The following LEPROTL1 variants were observed in gnomAD, a reference collection of about 807,000 sequenced individuals.
LEPROTL1 encodes the protein leptin receptor overlapping transcript-like 1.
LEPROTL1 carries 6 observed loss-of-function variants against 15.4 expected under a neutral mutation model. That is an observed-to-expected ratio of 0.39 (90% CI 0.21 to 0.77). The LOEUF is 0.77. Ranked by LOEUF, LEPROTL1 falls within the 30% of genes least tolerant of loss-of-function variation. The pLI is 0.41. For synonymous variants in LEPROTL1, 56 were observed against 52.6 expected (o/e 1.06, Z -0.28); for missense variants, 128 against 158.1 (o/e 0.81, Z 1.02).
intron 1 of LEPROTL1, among the ~76,000 whole-genome samples, 178 bp from the exon 2 acceptor site, chr8:30,101,720 G>A: frequency 7.0e-6 from 1 of 142,710 alleles, no homozygotes; most frequent in Non-Finnish European, 1.5e-5. Flanking sequence ...ATTTTGCCTT[G>A]AAGATACCAC....
In LEPROTL1 at chr8:30,105,885, CA is replaced by C; in HGVS notation, c.*26del. 6.7e-7 allele frequency: 1 copy of C among 1,483,546 alleles called. No homozygotes were observed. The highest frequency in any genetic ancestry group is 2.4e-5 in the Admixed American group (1 of 42,432). 91.9% of individuals were successfully genotyped at this position (1,483,546 alleles called of 1,614,324 possible). A position where few individuals can be genotyped will look rare whatever the true frequency, so the allele number is the denominator to read the frequency against. On this transcript the variant is annotated 3_prime_UTR_variant, in exon 4 of 4. Coordinates refer to ENST00000321250, the MANE Select transcript of LEPROTL1 (RefSeq NM_015344.3). ...TGAAAAGAAATTACTGAACTATTGTCAAATGGACTTCCTGTCATTTGTTGGC... is the reference window on the plus strand; with the variant it reads ...TGAAAAGAAATTACTGAACTATTGTCAATGGACTTCCTGTCATTTGTTGGC...
At chr8:30,100,008 C>A (rs1394142166) in intron 1 of LEPROTL1, among the ~76,000 whole-genome samples, 1 of 152,212 alleles carries the variant, frequency 6.6e-6, no homozygotes, top group South Asian at 2.1e-4. Context: ...GTTTTCCTTA[C>A]AGTTTATATT....
chr8:30,099,494 A>T (rs1802426241), intron 1 of LEPROTL1, among the ~76,000 whole-genome samples: 1 of 23,304 alleles, frequency 4.3e-5, no homozygotes, highest in Non-Finnish European at 1.6e-4. Flanking sequence ...CCAGCTACTC[A>T]GAAAGGCTGA....
intron 3 of LEPROTL1, chr8:30,131,977 A>G (rs1363321884): frequency 6.4e-7 from 1 of 1,550,850 alleles, no homozygotes; most frequent in Non-Finnish European, 8.7e-7. Flanking sequence ...CGCCAATAGC[A>G]AAAGCAGAAT....
chr8:30,112,254 G>T (rs1448395926), downstream of LEPROTL1, among the ~76,000 whole-genome samples: 4 of 151,922 alleles, frequency 2.6e-5, no homozygotes, highest in Non-Finnish European at 5.9e-5. Flanking sequence ...TTCTTTCTTT[G>T]AGATGGAGTC....
Position 30,117,763 on chromosome 8 carries a change from A to G in LEPROTL1, c.279+13277A>G, listed in dbSNP as rs537524099. 8.0e-5 allele frequency: 70 copies of G among 875,402 alleles called. 2 individuals carry two copies. The South Asian group carries it at 9.2e-4, about 12-fold the overall frequency. 54.2% of individuals were successfully genotyped at this position (875,402 alleles called of 1,614,324 possible). ...GATGCTCTTGAGAGCATCAGCCAGGACATTCATGCGCACCATTGTGGCGGC... is the reference window on the plus strand; with the variant it reads ...GATGCTCTTGAGAGCATCAGCCAGGGCATTCATGCGCACCATTGTGGCGGC... On this transcript the variant is annotated intron_variant, in intron 3 of 4. Transcript: ENST00000442880.
At chr8:30,132,294 G>A in intron 3 of LEPROTL1, 1 of 1,551,780 alleles carries the variant, frequency 6.4e-7, no homozygotes, top group Non-Finnish European at 8.7e-7. Context: ...TGCTGTGCTG[G>A]AATACAAGCC....
chr8:30,117,344 G>A (rs2117507565), intron 3 of LEPROTL1: 2 of 906,648 alleles, frequency 2.2e-6, no homozygotes, highest in Non-Finnish European at 3.5e-6. Flanking sequence ...TTAATTGTCT[G>A]TGAGGCATTT....
downstream of LEPROTL1, among the ~76,000 whole-genome samples, chr8:30,112,429 T>TTTTTG: frequency 7.1e-6 from 1 of 141,250 alleles, no homozygotes; most frequent in African/African-American, 2.6e-5. Context: ...TTTTTTTTTT[T>TTTTTG]TTGGATTTTT....
At chr8:30,103,146 A>G (rs1802500943) in intron 2 of LEPROTL1, among the ~76,000 whole-genome samples, 1 of 152,244 alleles carries the variant, frequency 6.6e-6, no homozygotes, top group Non-Finnish European at 1.5e-5. Context: ...AATGTCCTTC[A>G]AAAGAAAAAT....
chr8:30,107,001 C>T lies in LEPROTL1; in HGVS notation c.*1139C>T, dbSNP rs973414644. On this transcript the variant is annotated 3_prime_UTR_variant, in exon 4 of 4. Coordinates refer to ENST00000321250, the MANE Select transcript of LEPROTL1 (RefSeq NM_015344.3). The stretch of plus-strand genomic sequence containing the variant: ...ATTAACAAGTAACTTGTTAGTCTTA[C>T]AGATAATTCATGCATTAACAGTTTA... 2.0e-5 allele frequency: 20 copies of T among 984,142 alleles called. No homozygotes were observed. Among genetic ancestry groups the T allele is most frequent in the Non-Finnish European group, 2.4e-5 (20 of 828,766 alleles). The allele number at this position is 984,142 out of a possible 1,614,324, so 61.0% of individuals were successfully genotyped here.
chr8:30,123,230 C>T (rs537736108), intron 3 of LEPROTL1, among the ~76,000 whole-genome samples: 93 of 152,284 alleles, frequency 6.1e-4, no homozygotes, highest in African/African-American at 2.0e-3. Context: ...TTATGACCTA[C>T]CTTAGAAGTC....
intron 1 of LEPROTL1, among the ~76,000 whole-genome samples, chr8:30,100,067 G>A (rs912243334): frequency 1.3e-5 from 2 of 152,190 alleles, no homozygotes; most frequent in African/African-American, 4.8e-5. Flanking sequence ...AAGTAAAAAT[G>A]CAATTCTTTT....
At chr8:30,123,879 A>G (rs1173737399) in intron 3 of LEPROTL1, among the ~76,000 whole-genome samples, 1 of 152,200 alleles carries the variant, frequency 6.6e-6, no homozygotes, top group Non-Finnish European at 1.5e-5. Flanking sequence ...GAACAGAGAC[A>G]TGAATGATGT....
chr8:30,115,356 T>TA lies in LEPROTL1; in HGVS notation c.279+10881dup, dbSNP rs58260284. ...TGGGCAGCAGAGCCAGACCCCATCT[T>TA]AAAAAAAAAAATCTATATCATGTAC... On this transcript the variant is annotated intron_variant, in intron 3 of 4. Transcript: ENST00000442880. 3.1e-4 allele frequency among the ~76,000 whole-genome samples: 46 copies of TA among 149,810 alleles called. 1 individual carries two copies. Among genetic ancestry groups the TA allele is most frequent in the African/African-American group, 1.1e-3 (45 of 40,638 alleles).
chr8:30,104,259 G>A, intron 2 of LEPROTL1, 41 bp from the exon 3 acceptor site: 1 of 1,257,022 alleles, frequency 8.0e-7, no homozygotes, highest in Non-Finnish European at 1.1e-6. Context: ...GTAGGAAAAT[G>A]ACATAGCAAA....
chr8:30,137,613 A>G (rs1180875637), exon 5 of LEPROTL1: 4 of 815,412 alleles, frequency 4.9e-6, no homozygotes, highest in South Asian at 1.7e-5. Context: ...TTGCAAAATT[A>G]TAACTGAGAC....
intron 4 of LEPROTL1, chr8:30,132,907 C>T: frequency 1.3e-6 from 2 of 1,501,826 alleles, no homozygotes; most frequent in Non-Finnish European, 1.8e-6. Flanking sequence ...GATGCAGAAC[C>T]TGCAAGATAA....
At chr8:30,113,993 A>G (rs953186370) in intron 3 of LEPROTL1, among the ~76,000 whole-genome samples, 1 of 152,212 alleles carries the variant, frequency 6.6e-6, no homozygotes, top group African/African-American at 2.4e-5. Flanking sequence ...GGTTAAAGTT[A>G]GAGAACATTT....
Sources: allele counts gnomAD v4.1 joint callset (sites outside exome capture counted in the v4.1 genomes callset), GRCh38; gene constraint gnomAD v4.1.1; transcripts MANE v1.5; gene names NCBI Gene and HGNC (gene_info 2026-07-23, HGNC 2026-07-21).